P3H2: variants seen among roughly 807,000 people sequenced by gnomAD.
The protein encoded by P3H2 is leprecan-like 1.
In P3H2, 80 loss-of-function variants were observed where a neutral mutation model predicts 87.0. The ratio of observed to expected loss-of-function variants is 0.92; its 90% CI spans 0.77 to 1.11. The LOEUF (loss-of-function observed/expected upper bound fraction) is 1.11, where lower values mean the gene tolerates loss of function less well. P3H2 is among the 50% of genes least tolerant of loss of function. The pLI, the probability that P3H2 is intolerant of heterozygous loss-of-function variation, is 0.00. For synonymous variants in P3H2, 367 were observed against 359.3 expected (o/e 1.02, Z -0.24); for missense variants, 1,001 against 923.9 (o/e 1.08, Z -1.08).
chr3:189,988,431 TACAC>T (rs1212292494), intron 4 of P3H2, among the ~76,000 whole-genome samples: 2 of 151,566 alleles, frequency 1.3e-5, no homozygotes, highest in Non-Finnish European at 2.9e-5. Context: ...AATAAATACA[TACAC>T]ACACACACAC....
chr3:190,106,270 G>A (rs1297830561), intron 1 of P3H2, among the ~76,000 whole-genome samples: 1 of 152,180 alleles, frequency 6.6e-6, no homozygotes, highest in Non-Finnish European at 1.5e-5. Flanking sequence ...CAAATGAACA[G>A]CCTCGAATTT....
chr3:190,032,806 G>A (rs1475881543), intron 1 of P3H2, among the ~76,000 whole-genome samples: 1 of 152,164 alleles, frequency 6.6e-6, no homozygotes, highest in East Asian at 1.9e-4. Context: ...GGATTTCGTG[G>A]AAGACAATTT....
At position 190,090,773 on chromosome 3, in the gene P3H2, G is replaced by T. The variant is rs151041908; in HGVS notation, c.480+29479C>A. 2.1e-3 allele frequency among the ~76,000 whole-genome samples: 320 copies of T among 152,068 alleles called. 1 individual carries two copies. Among genetic ancestry groups the T allele is most frequent in the African/African-American group, 7.4e-3 (309 of 41,490 alleles). On this transcript the variant is annotated intron_variant, in intron 1 of 14. Coordinates refer to ENST00000319332, the MANE Select transcript of P3H2 (RefSeq NM_018192.4). Reference sequence around the variant, plus strand: ...TAAACCTAGTAGAATTCTTCACCAGGCACTTGAACACTACCAAGTCTTTAT... The same window carrying T: ...TAAACCTAGTAGAATTCTTCACCAGTCACTTGAACACTACCAAGTCTTTAT...
intron 1 of P3H2, among the ~76,000 whole-genome samples, chr3:190,104,700 T>C (rs1711764669): frequency 6.6e-6 from 1 of 152,160 alleles, no homozygotes. Context: ...CTAGCACGGA[T>C]GTCCTGATCA....
At chr3:190,068,677 CAG>C (rs1726594655) in intron 1 of P3H2, among the ~76,000 whole-genome samples, 1 of 152,044 alleles carries the variant, frequency 6.6e-6, no homozygotes, top group African/African-American at 2.4e-5. Flanking sequence ...GACGAGTAGA[CAG>C]AGCTGTTTCC....
intron 1 of P3H2, among the ~76,000 whole-genome samples, chr3:190,040,728 C>A (rs1210573481): frequency 6.6e-6 from 1 of 151,966 alleles, no homozygotes; most frequent in Non-Finnish European, 1.5e-5. Context: ...ATAGCAGATA[C>A]ATTGGATACA....
intron 1 of P3H2, among the ~76,000 whole-genome samples, chr3:190,118,677 T>G (rs1362002242): frequency 6.6e-6 from 1 of 152,168 alleles, no homozygotes; most frequent in South Asian, 2.1e-4. Context: ...AGTTGAAATT[T>G]CGTGCACTCC....
chr3:190,033,222 G>C (rs934221952), intron 1 of P3H2, among the ~76,000 whole-genome samples: 1 of 152,168 alleles, frequency 6.6e-6, no homozygotes, highest in Non-Finnish European at 1.5e-5. Flanking sequence ...CTCACCTGCC[G>C]CTCACCTCCT....
intron 1 of P3H2, among the ~76,000 whole-genome samples, chr3:190,107,757 G>T (rs954491283): frequency 6.6e-6 from 1 of 152,150 alleles, no homozygotes; most frequent in Non-Finnish European, 1.5e-5. Context: ...TCCCTAAAAG[G>T]CATTGTTTCA....
chr3:189,989,134 A>C, intron 3 of P3H2, 96 bp from the exon 4 acceptor site: 33 of 1,451,878 alleles, frequency 2.3e-5, no homozygotes, highest in Non-Finnish European at 3.0e-5. Context: ...TCCTCACCTC[A>C]CCACACTGGA....
Position 189,992,880 on chromosome 3 carries a change from A to C in P3H2, c.823+1214T>G, listed in dbSNP as rs147164559. Reference sequence around the variant, plus strand: ...AATTTACAGGCTCTCTTTGAATATGAAATATATTAACACTTTGCCTATAAA... The same window carrying C: ...AATTTACAGGCTCTCTTTGAATATGCAATATATTAACACTTTGCCTATAAA... On this transcript the variant is annotated intron_variant, in intron 3 of 14. Transcript: ENST00000319332. Among the ~76,000 whole-genome samples the C allele has an allele frequency of 5.0e-3, 756 of 152,332 alleles. 6 individuals carry two copies. The highest frequency in any genetic ancestry group is 0.017 in the African/African-American group (723 of 41,574).
intron 1 of P3H2, among the ~76,000 whole-genome samples, chr3:190,041,020 C>CTATATATATATATATATA (rs71635315): frequency 1.0e-3 from 55 of 52,630 alleles, no homozygotes; most frequent in South Asian, 4.2e-3. Flanking sequence ...CATGGCTCTA[C>CTATATATATATATATATA]TATATATATA....
chr3:190,006,275 T>C (rs944042158), intron 1 of P3H2, among the ~76,000 whole-genome samples: 4 of 152,228 alleles, frequency 2.6e-5, no homozygotes, highest in South Asian at 2.1e-4. Flanking sequence ...TTATATCATA[T>C]AGTCCCACTG....
chr3:190,003,822 G>A (rs1724295088), intron 1 of P3H2, among the ~76,000 whole-genome samples: 1 of 152,222 alleles, frequency 6.6e-6, no homozygotes, highest in Admixed American at 6.5e-5. Context: ...ACTCTCCCTT[G>A]AGGTGTCAGA....
chr3:190,055,340 A>G (rs903195510), intron 1 of P3H2, among the ~76,000 whole-genome samples: 1 of 152,206 alleles, frequency 6.6e-6, no homozygotes, highest in Admixed American at 6.5e-5. Context: ...AAGTGACATT[A>G]TATTTAATTT....
At chr3:190,054,987 C>A (rs1368246733) in intron 1 of P3H2, among the ~76,000 whole-genome samples, 1 of 152,168 alleles carries the variant, frequency 6.6e-6, no homozygotes, top group East Asian at 1.9e-4. Flanking sequence ...AAGTCAAATT[C>A]CATGTTCATT....
At chr3:190,062,199 A>ATAC (rs1039115571) in intron 1 of P3H2, among the ~76,000 whole-genome samples, 3 of 152,104 alleles carry the variant, frequency 2.0e-5, no homozygotes, top group Non-Finnish European at 2.9e-5. Context: ...TTAAGCTGCA[A>ATAC]TACTATCTCT....
At chr3:190,075,465 A>G (rs1726840481) in intron 1 of P3H2, among the ~76,000 whole-genome samples, 1 of 151,404 alleles carries the variant, frequency 6.6e-6, no homozygotes, top group Non-Finnish European at 1.5e-5. Context: ...AGCCTGGGCA[A>G]CAAGAGGGAA....
At chr3:189,966,450 A>C (rs1392651081) in intron 13 of P3H2, among the ~76,000 whole-genome samples, 2 of 152,246 alleles carry the variant, frequency 1.3e-5, no homozygotes, top group Non-Finnish European at 2.9e-5. Flanking sequence ...GAACTGTATG[A>C]GGCGGTTGGA....
Sources: allele counts gnomAD v4.1 joint callset (sites outside exome capture counted in the v4.1 genomes callset), GRCh38; gene constraint gnomAD v4.1.1; transcripts MANE v1.5; gene names NCBI Gene and HGNC (gene_info 2026-07-23, HGNC 2026-07-21).